The following PIP5K1B variants were observed in gnomAD, a reference collection of about 807,000 sequenced individuals.
The protein encoded by PIP5K1B is phosphatidylinositol-4-phosphate 5-kinase type 1 beta.
In PIP5K1B, 42 loss-of-function variants were observed where a neutral mutation model predicts 67.0. The observed-to-expected ratio is 0.63, with a 90% CI of 0.49 to 0.81. The LOEUF (loss-of-function observed/expected upper bound fraction) is 0.81. Ranked by LOEUF, PIP5K1B falls within the 30% of genes least tolerant of loss-of-function variation. The pLI, the probability that PIP5K1B is intolerant of heterozygous loss-of-function variation, is 0.00. For missense variants in PIP5K1B, 459 were observed against 646.3 expected (o/e 0.71, Z 3.14); for synonymous variants, 214 against 231.4 (o/e 0.92, Z 0.68).
intron 11 of PIP5K1B, 80 bp downstream of exon 11, chr9:68,919,809 T>C (rs1826274788): frequency 5.1e-6 from 4 of 778,772 alleles, no homozygotes; most frequent in South Asian, 5.0e-5. Flanking sequence ...GGAAACTGTG[T>C]TGCTAGACTC....
At chr9:68,744,769 T>C (rs368255628) in intron 2 of PIP5K1B, among the ~76,000 whole-genome samples, 1 of 152,254 alleles carries the variant, frequency 6.6e-6, no homozygotes, top group South Asian at 2.1e-4. Context: ...TCTTTGGAGA[T>C]ACCCTCTCAC....
chr9:69,008,281 A>C (rs1375205819), intron 15 of PIP5K1B, among the ~76,000 whole-genome samples, 166 bp from the exon 16 acceptor site: 1 of 152,236 alleles, frequency 6.6e-6, no homozygotes, highest in Non-Finnish European at 1.5e-5. Flanking sequence ...CCACCAAAGA[A>C]GTATATGCTA....
chr9:68,893,331 T>TC (rs1490524930), intron 7 of PIP5K1B, among the ~76,000 whole-genome samples: 2 of 72,068 alleles, frequency 2.8e-5, no homozygotes, highest in East Asian at 5.3e-4. Context: ...CCTATTTTTT[T>TC]TCTTTTTTTT....
chr9:68,880,291 G>A (rs576369073), intron 6 of PIP5K1B, among the ~76,000 whole-genome samples: 5 of 152,286 alleles, frequency 3.3e-5, no homozygotes, highest in Admixed American at 2.0e-4. Flanking sequence ...GGTGGCTCAC[G>A]CCTGTAATCC....
intron 2 of PIP5K1B, among the ~76,000 whole-genome samples, chr9:68,796,201 A>G (rs1832284158): frequency 6.6e-6 from 1 of 152,216 alleles, no homozygotes; most frequent in South Asian, 2.1e-4. Flanking sequence ...GAATGTTTTA[A>G]ATATGCTTCT....
intron 14 of PIP5K1B, among the ~76,000 whole-genome samples, chr9:68,980,715 G>A (rs1295256905): frequency 2.6e-5 from 4 of 152,170 alleles, no homozygotes; most frequent in Non-Finnish European, 1.5e-5. Context: ...ATTGTAACCA[G>A]TAATCAGAGA....
At chr9:68,853,133 G>T (rs757888447) in intron 4 of PIP5K1B, among the ~76,000 whole-genome samples, 1 of 152,210 alleles carries the variant, frequency 6.6e-6, no homozygotes, top group South Asian at 2.1e-4. Context: ...CACATGGCAG[G>T]TGGAATGGAA....
chr9:68,869,519 C>G (rs567407674), intron 5 of PIP5K1B, among the ~76,000 whole-genome samples: 1 of 152,306 alleles, frequency 6.6e-6, no homozygotes, highest in South Asian at 2.1e-4. Context: ...GGACAGGCCC[C>G]GCTAACTGCC....
At chr9:68,849,360 GA>G (rs1368961930) in intron 4 of PIP5K1B, among the ~76,000 whole-genome samples, 1 of 152,106 alleles carries the variant, frequency 6.6e-6, no homozygotes, top group African/African-American at 2.4e-5. Flanking sequence ...AACAAAGTAT[GA>G]ATAGTACAGT....
chr9:68,873,199 T>C (rs879494241), intron 5 of PIP5K1B, among the ~76,000 whole-genome samples: 1 of 151,886 alleles, frequency 6.6e-6, no homozygotes, highest in African/African-American at 2.4e-5. Context: ...AGGTTAAGCA[T>C]CTTATGTTTG....
chr9:68,741,085 AT>A (rs1448396621), intron 1 of PIP5K1B, among the ~76,000 whole-genome samples: 7 of 152,216 alleles, frequency 4.6e-5, no homozygotes, highest in African/African-American at 1.7e-4. Context: ...GAAAAAATAT[AT>A]CTACTCTTTC....
chr9:68,829,322 A>G (rs1769752137), intron 4 of PIP5K1B, among the ~76,000 whole-genome samples: 1 of 152,198 alleles, frequency 6.6e-6, no homozygotes, highest in Admixed American at 6.5e-5. Context: ...AGCAGTTGTC[A>G]TGAATAGCAG....
intron 2 of PIP5K1B, among the ~76,000 whole-genome samples, chr9:68,753,159 G>A (rs1294723544): frequency 1.3e-5 from 2 of 148,634 alleles, no homozygotes; most frequent in Admixed American, 6.8e-5. Context: ...TTGAAATGCC[G>A]TAATGAATAC....
chr9:68,864,095 G>T, intron 5 of PIP5K1B, 128 bp downstream of exon 5: 10 of 759,614 alleles, frequency 1.3e-5, no homozygotes, highest in South Asian at 2.2e-5. Context: ...CCTTTGGCAG[G>T]GCCAAAGGCA....
intron 4 of PIP5K1B, among the ~76,000 whole-genome samples, chr9:68,839,777 G>A (rs1472911769): frequency 3.3e-5 from 5 of 152,240 alleles, no homozygotes; most frequent in Non-Finnish European, 7.3e-5. Flanking sequence ...CTTGCAGAAA[G>A]AGGAGGAGAA....
chr9:68,796,873 C>T (rs1321806264), intron 2 of PIP5K1B, among the ~76,000 whole-genome samples: 2 of 152,118 alleles, frequency 1.3e-5, no homozygotes, highest in Non-Finnish European at 2.9e-5. Flanking sequence ...TCAAATATTC[C>T]CTCCAGTAGC....
chr9:68,827,732 A>G (rs1008744812), intron 4 of PIP5K1B, among the ~76,000 whole-genome samples: 1 of 152,238 alleles, frequency 6.6e-6, no homozygotes, highest in African/African-American at 2.4e-5. Flanking sequence ...TGCGACTACC[A>G]GAAGTTTTCT....
Position 68,919,713 on chromosome 9 carries a change from C to A in PIP5K1B, c.1100C>A (p.Ala367Asp). 6.4e-7 allele frequency: 1 copy of A among 1,552,392 alleles called. No homozygotes were observed. Among genetic ancestry groups the A allele is most frequent in the Non-Finnish European group, 8.9e-7 (1 of 1,125,262 alleles). ...LMKKLEHSWK[A>D]LVYDGDTVSV... ...AAGAAGTTAGAACATTCCTGGAAAGCTCTTGTTTATGATGGGGTAAGTGAC... is the reference window on the plus strand; with the variant it reads ...AAGAAGTTAGAACATTCCTGGAAAGATCTTGTTTATGATGGGGTAAGTGAC... The change falls in exon 11 of 16, where the codon GCT becomes GAT. Residue 367 changes from alanine to aspartate, a missense_variant. Coordinates refer to ENST00000265382, the MANE Select transcript of PIP5K1B (RefSeq NM_003558.4).
At chr9:68,772,719 C>T (rs991417677) in intron 2 of PIP5K1B, among the ~76,000 whole-genome samples, 2 of 152,040 alleles carry the variant, frequency 1.3e-5, no homozygotes, top group African/African-American at 4.8e-5. Context: ...AGTTTTTAGA[C>T]CACAGAAAAT....
Sources: allele counts gnomAD v4.1 joint callset (sites outside exome capture counted in the v4.1 genomes callset), GRCh38; gene constraint gnomAD v4.1.1; transcripts MANE v1.5; gene names NCBI Gene and HGNC (gene_info 2026-07-23, HGNC 2026-07-21).